NUP133: variants seen among roughly 807,000 people sequenced by gnomAD.
The protein encoded by NUP133 is nuclear pore complex protein Nup133.
NUP133 carries 66 observed loss-of-function variants against 146.2 expected under a neutral mutation model. The ratio of observed to expected loss-of-function variants is 0.45; its 90% confidence interval spans 0.37 to 0.55. The LOEUF is 0.55. NUP133 is among the 20% of genes least tolerant of loss of function. The probability of loss-of-function intolerance (pLI) is 0.00; values close to 1 mark genes in which losing one functional copy is unlikely to be tolerated. For missense variants in NUP133, 1,277 were observed against 1,374.8 expected (o/e 0.93, Z 1.12); for synonymous variants, 521 against 498.8 (o/e 1.04, Z -0.59).
chr1:229,445,375 C>CCCAAAGTATGA (rs1571902282), intron 24 of NUP133, among the ~76,000 whole-genome samples: 1 of 152,120 alleles, frequency 6.6e-6, no homozygotes, highest in East Asian at 1.9e-4. Context: ...CAGTATGGAC[C>CCCAAAGTATGA]CCAAAGTATG....
At chr1:229,448,222 C>G (rs929296857) in intron 24 of NUP133, among the ~76,000 whole-genome samples, 3 of 152,052 alleles carry the variant, frequency 2.0e-5, no homozygotes, top group African/African-American at 7.2e-5. Context: ...TGAGGTCTGG[C>G]GTTCCACAGC....
At position 229,452,589 on chromosome 1, in the gene NUP133, A is replaced by C; in HGVS notation, c.3035T>G (p.Leu1012Arg). 2 of 1,614,040 alleles carry C rather than the reference A, an allele frequency of 1.2e-6. No homozygotes were observed. The highest frequency in any genetic ancestry group is 2.2e-5 in the East Asian group (1 of 44,876). Residue 1012 changes from leucine (L) to arginine (R), a missense_variant, in exon 22 of 26, where the codon CTG becomes CGG. Leu to Arg is a moderately radical substitution (Grantham distance 102, BLOSUM62 -2). Transcript: ENST00000261396. ...LLHQETLPEQ[L>R]LAEKQLNLSA... ...GAGATTTAGCTGTTTCTCCGCCAGC[A>C]GCTGTTCAGGTAGGGTCTCCTGATG...
intron 1 of NUP133, among the ~76,000 whole-genome samples, chr1:229,507,442 G>GGT (rs746764884): frequency 4.0e-5 from 6 of 151,700 alleles, no homozygotes; most frequent in South Asian, 2.1e-4. Flanking sequence ...GGTGGGGAGG[G>GGT]GTGTGTGTGT....
chr1:229,449,874 T>TATATATATATATATATA (rs1491123491), intron 23 of NUP133, among the ~76,000 whole-genome samples: 16 of 78,012 alleles, frequency 2.1e-4, no homozygotes, highest in African/African-American at 6.4e-4. Context: ...TATATATATA[T>TATATATATATATATATA]TTTTTTTTTT....
At chr1:229,498,804 A>G (rs948845266) in intron 5 of NUP133, among the ~76,000 whole-genome samples, 2 of 151,898 alleles carry the variant, frequency 1.3e-5, no homozygotes, top group South Asian at 2.1e-4. Context: ...AAAAAATTGC[A>G]TATTTTTTAA....
rs185823322 is a variant in NUP133, at chr1:229,487,440, C to T, written c.1342+26G>A. 20 of 1,602,136 alleles carry T rather than the reference C, an allele frequency of 1.2e-5. No homozygotes were observed. The Admixed American group carries it at 3.6e-4, about 29-fold the overall frequency. On this transcript the variant is annotated intron_variant, in intron 10 of 25. Coordinates refer to ENST00000261396, the MANE Select transcript of NUP133 (RefSeq NM_018230.3). ...CAGAATGACTAATGAGCTCACCAAT[C>T]ATGCTTTCTAAAACTGCTACTGTAC... is the stretch of plus-strand genomic sequence containing the variant.
chr1:229,489,510 C>T (rs1661455914), intron 9 of NUP133, among the ~76,000 whole-genome samples: 1 of 152,166 alleles, frequency 6.6e-6, no homozygotes, highest in Non-Finnish European at 1.5e-5. Flanking sequence ...GAAAATGCAA[C>T]AATGTCTAGA....
chr1:229,470,480 T>C, intron 15 of NUP133, 100 bp downstream of exon 15: 2 of 953,870 alleles, frequency 2.1e-6, no homozygotes, highest in Middle Eastern at 2.5e-4. Flanking sequence ...TTCAGTGAGA[T>C]CTTTTGTGAT....
At chr1:229,505,651 C>A (rs1268683546) in intron 2 of NUP133, among the ~76,000 whole-genome samples, 1 of 150,188 alleles carries the variant, frequency 6.7e-6, no homozygotes, top group African/African-American at 2.5e-5. Flanking sequence ...CTTTGGGAGG[C>A]CAAGGAGGGC....
At chr1:229,492,601 T>G (rs886680213) in intron 8 of NUP133, among the ~76,000 whole-genome samples, 1 of 151,958 alleles carries the variant, frequency 6.6e-6, no homozygotes, top group African/African-American at 2.4e-5. Context: ...TCACTTCTGC[T>G]TGGACTCTTG....
chr1:229,502,573 A>G (rs1334195202), intron 2 of NUP133, among the ~76,000 whole-genome samples: 1 of 150,136 alleles, frequency 6.7e-6, no homozygotes, highest in Admixed American at 6.6e-5. Context: ...AAAAAAAAAA[A>G]AAAAAAAGAA....
At chr1:229,485,559 T>C (rs1024246113) in intron 11 of NUP133, among the ~76,000 whole-genome samples, 2 of 152,136 alleles carry the variant, frequency 1.3e-5, no homozygotes, top group Non-Finnish European at 2.9e-5. Flanking sequence ...ATAAACAATA[T>C]TTACATTGTC....
At chr1:229,449,875 T>TATATATATATATATATATATATATA (rs1558088585) in intron 23 of NUP133, among the ~76,000 whole-genome samples, 4 of 64,018 alleles carry the variant, frequency 6.2e-5, no homozygotes, top group Admixed American at 2.1e-4. Context: ...ATATATATAT[T>TATATATATATATATATATATATATA]TTTTTTTTTT....
chr1:229,479,854 C>T (rs111826949), intron 12 of NUP133, among the ~76,000 whole-genome samples: 1,846 of 152,272 alleles, frequency 0.012, 36 homozygotes, highest in African/African-American at 0.042. Context: ...TGTAGACATC[C>T]TTTCAGGTGG....
At chr1:229,502,153 T>C in intron 2 of NUP133, 51 bp from the exon 3 acceptor site, 2 of 1,328,736 alleles carry the variant, frequency 1.5e-6, no homozygotes, top group Non-Finnish European at 2.2e-6. Flanking sequence ...AAATCTTTAT[T>C]ACCACACGCT....
rs1661635773 is a variant in NUP133, at chr1:229,495,564, C to T, written c.977G>A (p.Gly326Glu). ...AATAGCTTCATAGTTACTTTCAGAT[C>T]CCTACATGAAAATATCAATAATGTA... ...LKENITDAIW[G>E]SESNYEAIKE... Residue 326 changes from glycine (G) to glutamate (E), a missense_variant and splice_region_variant, in exon 8 of 26, where the codon GGA becomes GAA. Physicochemically the swap from Gly to Glu is moderately conservative, Grantham distance 98. Around this residue, in one of 3 missense-constraint regions of NUP133, gnomAD observed 952 missense variants for 1,047.0 expected, o/e 0.91. Transcript: ENST00000261396. The T allele has an allele frequency of 3.1e-6, 5 of 1,600,356 alleles. No individual in the cohort carries two copies. Among genetic ancestry groups the T allele is most frequent in the Non-Finnish European group, 4.3e-6 (5 of 1,168,484 alleles).
At chr1:229,482,762 G>A (rs558673315) in intron 12 of NUP133, among the ~76,000 whole-genome samples, 20 of 152,230 alleles carry the variant, frequency 1.3e-4, no homozygotes, top group African/African-American at 2.9e-4. Flanking sequence ...ACTAGCAAAC[G>A]CCATCCAAGC....
intron 15 of NUP133, among the ~76,000 whole-genome samples, chr1:229,469,552 C>A (rs1660906087): frequency 6.6e-6 from 1 of 152,174 alleles, no homozygotes; most frequent in Non-Finnish European, 1.5e-5. Flanking sequence ...GGGCAGCACC[C>A]TAGGATGAGG....
At chr1:229,495,688 T>TA (rs539398161) in intron 7 of NUP133, 123 bp from the exon 8 acceptor site, 5,602 of 732,270 alleles carry the variant, frequency 7.7e-3, no homozygotes, top group South Asian at 9.8e-3. Context: ...ATGTATACAT[T>TA]AAAAAAAAAA....
Sources: gnomAD v4.1 joint callset for allele counts (sites outside exome capture counted in the v4.1 genomes callset) on GRCh38, gnomAD v4.1.1 for gene constraint, gnomAD v4.1.1 regional missense constraint, MANE v1.5 for transcripts, NCBI Gene and HGNC (gene_info 2026-07-23, HGNC 2026-07-21) for gene names.